The following LIPA variants were observed in gnomAD, a reference collection of about 807,000 sequenced individuals.
LIPA encodes lysosomal acid lipase/cholesteryl ester hydrolase.
In LIPA, 26 loss-of-function variants were observed where a neutral mutation model predicts 40.6. The ratio of observed to expected loss-of-function variants is 0.64; its 90% CI spans 0.47 to 0.89. The LOEUF (loss-of-function observed/expected upper bound fraction) is 0.89. LIPA is among the 40% of genes least tolerant of loss of function. LIPA has a pLI of 0.00. For synonymous variants in LIPA, 188 were observed against 168.4 expected (o/e 1.12, Z -0.90); for missense variants, 455 against 479.6 (o/e 0.95, Z 0.48).
At chr10:89,319,240 A>G (rs1843557917) in intron 1 of LIPA, among the ~76,000 whole-genome samples, 1 of 152,136 alleles carries the variant, frequency 6.6e-6, no homozygotes. Context: ...GATAGAGACA[A>G]AAAACCCTTC....
intron 2 of LIPA, among the ~76,000 whole-genome samples, chr10:89,356,419 C>T (rs985807282): frequency 1.1e-4 from 17 of 152,312 alleles, no homozygotes; most frequent in Admixed American, 2.6e-4. Context: ...GAGCAGCAGG[C>T]GAGCAATCAA....
chr10:89,216,000 A>C lies in LIPA; in HGVS notation c.904T>G (p.Phe302Val), dbSNP rs1187189503. 3 of 1,606,266 alleles carry C rather than the reference A, an allele frequency of 1.9e-6. No homozygotes were observed. Among genetic ancestry groups the C allele is most frequent in the Non-Finnish European group, 2.6e-6 (3 of 1,172,820 alleles). Residue 302 changes from phenylalanine to valine, a missense_variant, in exon 9 of 10, where the codon TTC (phenylalanine) becomes GTC (valine). Physicochemically the swap from Phe to Val is conservative, Grantham distance 50. Coordinates refer to ENST00000336233, the MANE Select transcript of LIPA (RefSeq NM_000235.4). ...NMLHWSQAVK[F>V]QKFQAFDWGS... Reference sequence around the variant, plus strand: ...CAGTCAAAGGCTTGAAACTTTTGGAATTTAACAGCCTAAAAAGAAGATAAT... The same window carrying C: ...CAGTCAAAGGCTTGAAACTTTTGGACTTTAACAGCCTAAAAAGAAGATAAT...
chr10:89,316,462 C>G (rs2133529626), intron 1 of LIPA, among the ~76,000 whole-genome samples: 1 of 152,346 alleles, frequency 6.6e-6, no homozygotes, highest in African/African-American at 2.4e-5. Flanking sequence ...GGGAGCCTTG[C>G]TCACTGCTGG....
intron 1 of LIPA, among the ~76,000 whole-genome samples, chr10:89,304,246 T>C (rs1589594843): frequency 1.3e-5 from 2 of 152,158 alleles, no homozygotes; most frequent in Non-Finnish European, 1.5e-5. Context: ...TCTAAGTCCC[T>C]TGATGTAACT....
intron 2 of LIPA, among the ~76,000 whole-genome samples, chr10:89,394,363 T>C (rs1844302398): frequency 6.6e-6 from 1 of 152,072 alleles, no homozygotes; most frequent in South Asian, 2.1e-4. Context: ...CAATAAGGAA[T>C]CTTAGATTTA....
At chr10:89,313,473 A>G (rs1843526087) in intron 1 of LIPA, among the ~76,000 whole-genome samples, 1 of 152,234 alleles carries the variant, frequency 6.6e-6, no homozygotes, top group Admixed American at 6.5e-5. Flanking sequence ...ACTTTGGAAA[A>G]TAGTTGGACA....
At chr10:89,243,181 C>T (rs2133459703) in intron 3 of LIPA, among the ~76,000 whole-genome samples, 1 of 152,350 alleles carries the variant, frequency 6.6e-6, no homozygotes, top group East Asian at 1.9e-4. Context: ...GGAAATAACA[C>T]CAGTGGCAAC....
chr10:89,255,239 G>T (rs1046573456), upstream of LIPA, among the ~76,000 whole-genome samples: 1 of 152,212 alleles, frequency 6.6e-6, no homozygotes, highest in African/African-American at 2.4e-5. Context: ...TTGACTCACA[G>T]TTCCACGTGG....
intron 2 of LIPA, chr10:89,403,151 G>T: frequency 1.2e-6 from 2 of 1,613,984 alleles, no homozygotes; most frequent in East Asian, 2.2e-5. Flanking sequence ...ACCAGATAGG[G>T]CTTTGCTACA....
intron 1 of LIPA, among the ~76,000 whole-genome samples, chr10:89,275,648 C>T (rs1843285982): frequency 6.6e-6 from 1 of 152,188 alleles, no homozygotes; most frequent in African/African-American, 2.4e-5. Context: ...GCCTCTGTTG[C>T]TGGATCCTGA....
intron 8 of LIPA, among the ~76,000 whole-genome samples, chr10:89,216,431 G>T (rs1324241295): frequency 0.011 from 1,675 of 149,510 alleles, 9 homozygotes; most frequent in African/African-American, 0.028. Flanking sequence ...ATATAATAGA[G>T]AGAGAGAGAG....
chr10:89,297,894 C>T (rs966396297), intron 1 of LIPA, among the ~76,000 whole-genome samples: 1 of 152,178 alleles, frequency 6.6e-6, no homozygotes, highest in African/African-American at 2.4e-5. Flanking sequence ...GTGACTGCAC[C>T]CCCACTGGAC....
chr10:89,320,887 A>G (rs1843567533), intron 1 of LIPA, among the ~76,000 whole-genome samples: 1 of 152,090 alleles, frequency 6.6e-6, no homozygotes, highest in African/African-American at 2.4e-5. Context: ...CCAATGGAAC[A>G]GAACAGAGCC....
intron 1 of LIPA, among the ~76,000 whole-genome samples, chr10:89,300,958 G>GA (rs955778088): frequency 1.3e-5 from 2 of 152,000 alleles, no homozygotes; most frequent in East Asian, 3.9e-4. Flanking sequence ...ACTCCAGCCT[G>GA]AAAAAAAGAG....
chr10:89,378,031 G>C, intron 2 of LIPA: 1 of 1,237,560 alleles, frequency 8.1e-7, no homozygotes, highest in South Asian at 1.3e-5. Context: ...CCATATATAA[G>C]CACCATGCTT....
chr10:89,286,468 G>A (rs1001697615), intron 1 of LIPA, among the ~76,000 whole-genome samples: 14 of 152,028 alleles, frequency 9.2e-5, no homozygotes, highest in Admixed American at 5.2e-4. Flanking sequence ...TAGCCCTCCC[G>A]GACCTGCCCA....
chr10:89,311,140 G>C (rs1843513138), intron 1 of LIPA, among the ~76,000 whole-genome samples: 1 of 152,124 alleles, frequency 6.6e-6, no homozygotes, highest in African/African-American at 2.4e-5. Context: ...ACAGAGCAAA[G>C]GCACTGTGAT....
In LIPA at chr10:89,228,095, T is replaced by C. The variant is rs969068360; in HGVS notation, c.428+105A>G. ...CAAAAGACACTAACTTCCCCTCTCA[T>C]ACAACTTCAGAGTTACCACCTATCT... On this transcript the variant is annotated intron_variant, in intron 4 of 9. Transcript: ENST00000336233. The C allele has an allele frequency of 2.8e-5, 27 of 959,138 alleles. No individual in the cohort carries two copies. The African/African-American group carries it at 2.9e-4, about 10-fold the overall frequency. The allele number at this position is 959,138 out of a possible 1,614,324, so 59.4% of individuals were successfully genotyped here. A position where few individuals can be genotyped will look rare whatever the true frequency, so the allele number is the denominator to read the frequency against.
chr10:89,401,907 C>T (rs1466556617), intron 2 of LIPA, among the ~76,000 whole-genome samples: 1 of 152,086 alleles, frequency 6.6e-6, no homozygotes, highest in Non-Finnish European at 1.5e-5. Context: ...TTCTAACTGA[C>T]CTCTGTCCTA....
Sources: allele counts gnomAD v4.1 joint callset (sites outside exome capture counted in the v4.1 genomes callset), GRCh38; gene constraint gnomAD v4.1.1; transcripts MANE v1.5; gene names NCBI Gene and HGNC (gene_info 2026-07-23, HGNC 2026-07-21).